Variants in SGMS1 observed in about 807,000 individuals in gnomAD.
SGMS1 encodes phosphatidylcholine:ceramide cholinephosphotransferase 1.
In SGMS1, 13 loss-of-function variants were observed where a neutral mutation model predicts 46.2. The ratio of observed to expected loss-of-function variants is 0.28; its 90% CI spans 0.18 to 0.45. SGMS1 has a LOEUF of 0.45. Ranked by LOEUF, SGMS1 falls within the 20% of genes least tolerant of loss-of-function variation. SGMS1 has a pLI of 1.00. For synonymous variants in SGMS1, 203 were observed against 187.8 expected, an observed-to-expected ratio of 1.08 and a Z score of -0.66; for missense variants, 324 against 519.9, an observed-to-expected ratio of 0.62 and a Z score of 3.66.
chr10:50,584,507 A>G (rs1413018537), intron 2 of SGMS1, among the ~76,000 whole-genome samples: 1 of 151,710 alleles, frequency 6.6e-6, no homozygotes, highest in Non-Finnish European at 1.5e-5. Context: ...TCAAAAAAAA[A>G]AAAAAAAAAA....
At chr10:50,315,680 C>G (rs1455639024) in intron 8 of SGMS1, among the ~76,000 whole-genome samples, 9 of 152,130 alleles carry the variant, frequency 5.9e-5, no homozygotes, top group Admixed American at 5.9e-4. Flanking sequence ...GGAATTGAAA[C>G]CTTGCCTATC....
intron 5 of SGMS1, among the ~76,000 whole-genome samples, chr10:50,443,651 A>C (rs1046959495): frequency 6.6e-6 from 1 of 152,150 alleles, no homozygotes; most frequent in African/African-American, 2.4e-5. Context: ...AAGCTCTTCA[A>C]GCTAAAGCAA....
At chr10:50,514,706 TC>T (rs1463555646) in intron 3 of SGMS1, among the ~76,000 whole-genome samples, 1 of 152,134 alleles carries the variant, frequency 6.6e-6, no homozygotes, top group African/African-American at 2.4e-5. Flanking sequence ...TATAGAGGGG[TC>T]CTAAAACCAA....
At chr10:50,404,895 A>G (rs944538993) in intron 6 of SGMS1, among the ~76,000 whole-genome samples, 1 of 152,226 alleles carries the variant, frequency 6.6e-6, no homozygotes, top group African/African-American at 2.4e-5. Context: ...AAGTGAATAA[A>G]GAAGATCTGT....
chr10:50,429,582 T>A (rs1484529976), intron 6 of SGMS1, among the ~76,000 whole-genome samples: 2 of 152,124 alleles, frequency 1.3e-5, no homozygotes, highest in Non-Finnish European at 2.9e-5. Context: ...TTCCAAATTG[T>A]CCTTAACTTT....
At chr10:50,597,715 T>C (rs773616151) in intron 1 of SGMS1, among the ~76,000 whole-genome samples, 1 of 152,028 alleles carries the variant, frequency 6.6e-6, no homozygotes, top group African/African-American at 2.4e-5. Flanking sequence ...ATGTCTGTGT[T>C]AAAATTCACA....
At chr10:50,382,240 C>T (rs893182465) in intron 6 of SGMS1, among the ~76,000 whole-genome samples, 1 of 152,052 alleles carries the variant, frequency 6.6e-6, no homozygotes, top group African/African-American at 2.4e-5. Context: ...CTCCCATATA[C>T]AATAGGAAAT....
chr10:50,327,904 A>T (rs1847555717), intron 7 of SGMS1, among the ~76,000 whole-genome samples: 1 of 152,158 alleles, frequency 6.6e-6, no homozygotes, highest in Admixed American at 6.5e-5. Flanking sequence ...TGGGATGCAC[A>T]TTTACTTCTC....
intron 6 of SGMS1, among the ~76,000 whole-genome samples, chr10:50,428,457 G>A (rs145951143): frequency 5.2e-4 from 79 of 152,286 alleles, no homozygotes; most frequent in East Asian, 4.8e-3. Flanking sequence ...AGGGATGGAA[G>A]GTGGGCAGAA....
At chr10:50,536,683 G>C (rs1011504883) in intron 2 of SGMS1, among the ~76,000 whole-genome samples, 1 of 152,040 alleles carries the variant, frequency 6.6e-6, no homozygotes, top group African/African-American at 2.4e-5. Flanking sequence ...TGTTTACAAA[G>C]TTTCCTTATT....
chr10:50,486,684 G>C (rs1837523913), intron 3 of SGMS1, among the ~76,000 whole-genome samples: 1 of 152,172 alleles, frequency 6.6e-6, no homozygotes, highest in Admixed American at 6.5e-5. Flanking sequence ...ACTACAGAGA[G>C]ATAGAAGTGC....
At chr10:50,455,336 T>G (rs1837178191) in intron 5 of SGMS1, among the ~76,000 whole-genome samples, 1 of 152,332 alleles carries the variant, frequency 6.6e-6, no homozygotes, top group East Asian at 1.9e-4. Flanking sequence ...CCTTTCCTGA[T>G]GGAGAAAGCA....
At chr10:50,484,321 T>A (rs151220713) in intron 3 of SGMS1, among the ~76,000 whole-genome samples, 1 of 152,020 alleles carries the variant, frequency 6.6e-6, no homozygotes, top group Non-Finnish European at 1.5e-5. Context: ...TTCCTGGACA[T>A]ATACACCCTC....
At position 50,307,862 on chromosome 10, in the gene SGMS1, A is replaced by C. The variant is rs902267375; in HGVS notation, c.1062+120T>G. 61 of 882,526 alleles carry C rather than the reference A, an allele frequency of 6.9e-5. No individual in the cohort carries two copies. The African/African-American group carries it at 9.5e-4, about 14-fold the overall frequency. The allele number at this position is 882,526 out of a possible 1,614,324, so 54.7% of individuals were successfully genotyped here. ...TGTCACAAAAAAACAATACAATCTTAGTTGATTACTACTTAAGAAAGAGAA... is the reference window on the plus strand; with the variant it reads ...TGTCACAAAAAAACAATACAATCTTCGTTGATTACTACTTAAGAAAGAGAA... On this transcript the variant is annotated intron_variant, in intron 10 of 10. Coordinates refer to ENST00000361781, the MANE Select transcript of SGMS1 (RefSeq NM_147156.4). This position sits in a 1 kb window ranked among gnomAD's most constrained non-coding sequence, Gnocchi z 4.2.
chr10:50,383,038 TA>T (rs1315239209), intron 6 of SGMS1, among the ~76,000 whole-genome samples: 3 of 152,136 alleles, frequency 2.0e-5, no homozygotes, highest in South Asian at 4.1e-4. Flanking sequence ...TAAGAAGAAG[TA>T]AAAAAGTTTT....
At chr10:50,484,204 A>G (rs763987973) in intron 3 of SGMS1, among the ~76,000 whole-genome samples, 1 of 152,190 alleles carries the variant, frequency 6.6e-6, no homozygotes, top group Non-Finnish European at 1.5e-5. Flanking sequence ...AAAAAATGAT[A>G]AAGGGAATAT....
intron 2 of SGMS1, among the ~76,000 whole-genome samples, chr10:50,525,014 A>G (rs1837888832): frequency 6.6e-6 from 1 of 152,212 alleles, no homozygotes; most frequent in South Asian, 2.1e-4. Context: ...CAAGTAATAT[A>G]CACATGGCTC....
chr10:50,549,739 G>A (rs1838132756), intron 2 of SGMS1, among the ~76,000 whole-genome samples: 2 of 152,234 alleles, frequency 1.3e-5, no homozygotes, highest in African/African-American at 2.4e-5. Context: ...GCACTAATTT[G>A]GTGACTCTGC....
At chr10:50,374,155 T>C (rs1382561858) in intron 6 of SGMS1, among the ~76,000 whole-genome samples, 2 of 152,148 alleles carry the variant, frequency 1.3e-5, no homozygotes, top group Non-Finnish European at 2.9e-5. Context: ...AAAAGCCAAA[T>C]CACTGAATCA....
Sources: allele counts gnomAD v4.1 joint callset (sites outside exome capture counted in the v4.1 genomes callset), GRCh38; gene constraint gnomAD v4.1.1; non-coding constraint Gnocchi (gnomAD v3.1); transcripts MANE v1.5; gene names NCBI Gene and HGNC (gene_info 2026-07-23, HGNC 2026-07-21).